Variants in PCDH15 observed in about 807,000 individuals in gnomAD.
PCDH15 encodes protocadherin related 15, also known as protocadherin-15.
Under a neutral mutation model 178.5 loss-of-function variants are expected in PCDH15, and 129 were observed. That is an observed-to-expected ratio of 0.72 (90% CI 0.63 to 0.84). The LOEUF is 0.84. Among genes scored for constraint, PCDH15 ranks in the 40% least tolerant of loss-of-function variants. PCDH15 has a pLI of 0.00. For missense variants in PCDH15, 2,230 were observed against 2,099.9 expected (o/e 1.06, Z -1.21); for synonymous variants, 800 against 732.0 (o/e 1.09, Z -1.50).
chr10:54,116,897 T>A (rs976484365), intron 15 of PCDH15, among the ~76,000 whole-genome samples: 2 of 151,378 alleles, frequency 1.3e-5, no homozygotes, highest in Non-Finnish European at 3.0e-5. Context: ...GCACCCTTTA[T>A]AACAGAAACT....
At chr10:54,417,783 T>A (rs1010549762) in intron 3 of PCDH15, among the ~76,000 whole-genome samples, 1 of 152,190 alleles carries the variant, frequency 6.6e-6, no homozygotes, top group Non-Finnish European at 1.5e-5. Flanking sequence ...AATTCCAGAT[T>A]TAAATTAAAA....
intron 9 of PCDH15, among the ~76,000 whole-genome samples, chr10:54,224,430 C>G (rs1200630028): frequency 6.6e-6 from 1 of 152,068 alleles, no homozygotes; most frequent in African/African-American, 2.4e-5. Context: ...TTATTTATCC[C>G]ACTTAGAAAA....
intron 9 of PCDH15, among the ~76,000 whole-genome samples, chr10:54,222,765 T>G (rs1490725666): frequency 6.6e-6 from 1 of 152,028 alleles, no homozygotes; most frequent in Non-Finnish European, 1.5e-5. Context: ...CATATTCTTA[T>G]TTTGTTTATA....
chr10:53,886,798 T>C (rs1301992646), intron 26 of PCDH15, among the ~76,000 whole-genome samples: 1 of 152,140 alleles, frequency 6.6e-6, no homozygotes, highest in African/African-American at 2.4e-5. Flanking sequence ...CTTCTGGGTC[T>C]GGAAGCCACA....
chr10:55,377,561 A>G (rs541135655), intron 2 of PCDH15, among the ~76,000 whole-genome samples: 1 of 152,134 alleles, frequency 6.6e-6, no homozygotes, highest in South Asian at 2.1e-4. Context: ...TTTAGTTGCT[A>G]TATGTTTCAA....
chr10:55,054,945 C>CTT (rs1253202682), intron 2 of PCDH15, among the ~76,000 whole-genome samples: 1 of 152,120 alleles, frequency 6.6e-6, no homozygotes, highest in Non-Finnish European at 1.5e-5. Flanking sequence ...GTTTGCAAAG[C>CTT]TTTTCCCCAT....
chr10:53,919,017 C>T (rs993471786), intron 25 of PCDH15, among the ~76,000 whole-genome samples: 1 of 152,130 alleles, frequency 6.6e-6, no homozygotes, highest in Non-Finnish European at 1.5e-5. Flanking sequence ...TCGAATCTAG[C>T]AATGGCCAGT....
intron 3 of PCDH15, among the ~76,000 whole-genome samples, chr10:54,430,239 A>T (rs1253258510): frequency 2.0e-5 from 3 of 151,894 alleles, no homozygotes; most frequent in Non-Finnish European, 4.4e-5. Context: ...TATTTTTAGT[A>T]GAGACCGGGT....
At chr10:53,992,139 C>T (rs959632942) in intron 21 of PCDH15, among the ~76,000 whole-genome samples, 8 of 151,940 alleles carry the variant, frequency 5.3e-5, no homozygotes, top group African/African-American at 7.3e-5. Flanking sequence ...CAACTCTGGA[C>T]GGGAGGAAGG....
chr10:55,561,895 T>C (rs891262464), intron 2 of PCDH15, among the ~76,000 whole-genome samples: 6 of 151,922 alleles, frequency 3.9e-5, no homozygotes, highest in Admixed American at 3.9e-4. Flanking sequence ...ACTGCCCCAG[T>C]TTAAAATTGA....
At chr10:53,946,463 T>C (rs2086583461) in intron 23 of PCDH15, among the ~76,000 whole-genome samples, 3 of 152,220 alleles carry the variant, frequency 2.0e-5, no homozygotes, top group African/African-American at 7.2e-5. Flanking sequence ...TTCTAGAATG[T>C]CACATGGATG....
chr10:54,314,316 A>G (rs896851925), intron 8 of PCDH15, among the ~76,000 whole-genome samples: 3 of 152,132 alleles, frequency 2.0e-5, no homozygotes, highest in African/African-American at 4.8e-5. Flanking sequence ...ATACCAGCCC[A>G]ATATACTTGA....
chr10:54,994,619 C>A (rs1373035659), intron 2 of PCDH15, among the ~76,000 whole-genome samples: 1 of 151,836 alleles, frequency 6.6e-6, no homozygotes, highest in South Asian at 2.1e-4. Flanking sequence ...TTATAACTAG[C>A]ATAAAAGATT....
At chr10:54,337,862 T>A (rs12262031) in intron 6 of PCDH15, among the ~76,000 whole-genome samples, 1 of 152,298 alleles carries the variant, frequency 6.6e-6, no homozygotes, top group East Asian at 1.9e-4. Context: ...GTGGGAACTA[T>A]AGCTATAAAA....
intron 1 of PCDH15, among the ~76,000 whole-genome samples, chr10:54,791,456 T>TAAGAAAA (rs1340953075): frequency 1.9e-4 from 29 of 152,052 alleles, no homozygotes; most frequent in Admixed American, 1.6e-3. Context: ...CTTGACCTCT[T>TAAGAAAA]CTTTTCTTAA....
intron 3 of PCDH15, among the ~76,000 whole-genome samples, chr10:54,886,697 G>A (rs1954365679): frequency 6.6e-6 from 1 of 152,224 alleles, no homozygotes; most frequent in Non-Finnish European, 1.5e-5. Flanking sequence ...CGAAGGAGGA[G>A]GTTGCAGTGA....
chr10:55,305,690 T>C (rs2132282940), intron 1 of PCDH15, among the ~76,000 whole-genome samples: 1 of 152,346 alleles, frequency 6.6e-6, no homozygotes, highest in South Asian at 2.1e-4. Flanking sequence ...TCCCTTGCTG[T>C]CCAACACTGG....
chr10:54,502,291 C>T (rs2080767128), intron 3 of PCDH15, among the ~76,000 whole-genome samples: 1 of 152,092 alleles, frequency 6.6e-6, no homozygotes, highest in Non-Finnish European at 1.5e-5. Context: ...CATAAAGAGA[C>T]TATAATCAGT....
chr10:55,557,436 G>C (rs1433326238), intron 2 of PCDH15, among the ~76,000 whole-genome samples: 1 of 152,116 alleles, frequency 6.6e-6, no homozygotes, highest in African/African-American at 2.4e-5. Flanking sequence ...TAAATGTAGG[G>C]CTGCCATTAT....
Sources: allele counts gnomAD v4.1 joint callset (sites outside exome capture counted in the v4.1 genomes callset), GRCh38; gene constraint gnomAD v4.1.1; transcripts MANE v1.5; gene names NCBI Gene and HGNC (gene_info 2026-07-23, HGNC 2026-07-21).